PLPPR5: variants seen among roughly 807,000 people sequenced by gnomAD.
The protein encoded by PLPPR5 is phospholipid phosphatase related 5, also known as phospholipid phosphatase-related protein type 5.
In PLPPR5, 16 loss-of-function variants were observed where a neutral mutation model predicts 33.9. That is an observed-to-expected ratio of 0.47 (90% CI 0.32 to 0.72). PLPPR5 has a LOEUF of 0.72. Ranked by LOEUF, PLPPR5 falls within the 30% of genes least tolerant of loss-of-function variation. The pLI, the probability that PLPPR5 is intolerant of heterozygous loss-of-function variation, is 0.03. For missense variants in PLPPR5, 301 were observed against 406.7 expected, an observed-to-expected ratio of 0.74 and a Z score of 2.23; for synonymous variants, 163 against 150.3, an observed-to-expected ratio of 1.08 and a Z score of -0.62.
At chr1:98,928,548 C>A (rs1570705705) in intron 3 of PLPPR5, among the ~76,000 whole-genome samples, 1 of 73,878 alleles carries the variant, frequency 1.4e-5, no homozygotes, top group Admixed American at 1.6e-4. Context: ...AGTTTTAAAT[C>A]ATATATATAT....
chr1:98,988,366 TG>T (rs1212536476), intron 1 of PLPPR5, among the ~76,000 whole-genome samples: 1 of 152,092 alleles, frequency 6.6e-6, no homozygotes, highest in Non-Finnish European at 1.5e-5. Context: ...TTATTATAAA[TG>T]GGATAACTGT....
At chr1:98,902,522 A>G (rs1200614687) in intron 5 of PLPPR5, among the ~76,000 whole-genome samples, 2 of 152,132 alleles carry the variant, frequency 1.3e-5, no homozygotes, top group African/African-American at 4.8e-5. Flanking sequence ...GTTTCATAAA[A>G]CTGTGAATTG....
intron 1 of PLPPR5, among the ~76,000 whole-genome samples, chr1:98,975,930 A>G (rs1241575551): frequency 1.3e-5 from 2 of 151,934 alleles, no homozygotes; most frequent in Non-Finnish European, 2.9e-5. Flanking sequence ...TCCCACGCCT[A>G]GCAAGCTGCC....
chr1:98,918,404 T>C (rs971915419), intron 4 of PLPPR5, among the ~76,000 whole-genome samples: 17 of 152,198 alleles, frequency 1.1e-4, no homozygotes, highest in Admixed American at 7.2e-4. Context: ...CAAACTATTT[T>C]TGTGGCTCAA....
At chr1:99,003,960 G>C (rs1203664735) in intron 1 of PLPPR5, among the ~76,000 whole-genome samples, 2 of 152,130 alleles carry the variant, frequency 1.3e-5, no homozygotes, top group African/African-American at 2.4e-5. Context: ...ATAGAAATAC[G>C]TGCCCCGACT....
At chr1:98,998,773 T>A (rs570992011) in intron 1 of PLPPR5, among the ~76,000 whole-genome samples, 4 of 152,196 alleles carry the variant, frequency 2.6e-5, no homozygotes, top group Non-Finnish European at 4.4e-5. Flanking sequence ...ATTGATTACA[T>A]TAATGAATTT....
chr1:98,896,949 A>G (rs1383332143), intron 5 of PLPPR5, among the ~76,000 whole-genome samples: 4 of 152,136 alleles, frequency 2.6e-5, no homozygotes, highest in African/African-American at 4.8e-5. Flanking sequence ...AAATAAGGGG[A>G]AAAGTATGAG....
At chr1:98,948,218 G>A (rs1458670739) in intron 3 of PLPPR5, among the ~76,000 whole-genome samples, 4 of 152,060 alleles carry the variant, frequency 2.6e-5, no homozygotes, top group East Asian at 1.9e-4. Context: ...AAGAAGAGAG[G>A]GGCAAACAGA....
At chr1:98,953,407 A>C in intron 2 of PLPPR5, 87 bp from the exon 3 acceptor site, 1 of 1,399,718 alleles carries the variant, frequency 7.1e-7, no homozygotes, top group South Asian at 1.3e-5. Context: ...ATTTCAGTTT[A>C]CAATAAACCA....
At chr1:98,977,848 C>T (rs149335298) in intron 1 of PLPPR5, among the ~76,000 whole-genome samples, 7 of 151,692 alleles carry the variant, frequency 4.6e-5, no homozygotes, top group Admixed American at 1.3e-4. Context: ...TAGTAAATGG[C>T]GCTTTAGAAA....
intron 5 of PLPPR5, among the ~76,000 whole-genome samples, chr1:98,906,454 C>T (rs1648906368): frequency 6.6e-6 from 1 of 152,042 alleles, no homozygotes; most frequent in South Asian, 2.1e-4. Flanking sequence ...CATTTTACAG[C>T]CCAGGCTGAG....
chr1:98,945,147 T>G lies in PLPPR5; in HGVS notation c.621+7923A>C, dbSNP rs138648220. Among the ~76,000 whole-genome samples, 842 of 152,318 alleles carry G rather than the reference T, an allele frequency of 5.5e-3. 9 individuals carry two copies. Among genetic ancestry groups the G allele is most frequent in the African/African-American group, 0.019 (803 of 41,570 alleles). ...AAAAGAAGTTAAAAATACTTAGAAGTTGTCACTTTAAAAAGCAAAGCTCTT... is the reference window on the plus strand; with the variant it reads ...AAAAGAAGTTAAAAATACTTAGAAGGTGTCACTTTAAAAAGCAAAGCTCTT... On this transcript the variant is annotated intron_variant, in intron 3 of 5. Coordinates refer to ENST00000263177, the MANE Select transcript of PLPPR5 (RefSeq NM_001037317.2).
At chr1:98,908,956 C>T (rs1017924772) in intron 5 of PLPPR5, among the ~76,000 whole-genome samples, 4 of 152,016 alleles carry the variant, frequency 2.6e-5, no homozygotes, top group African/African-American at 9.7e-5. Flanking sequence ...GCACTGGAAC[C>T]TCCTTAGAGA....
At chr1:98,954,010 G>A (rs1243522486) in intron 2 of PLPPR5, among the ~76,000 whole-genome samples, 1 of 151,976 alleles carries the variant, frequency 6.6e-6, no homozygotes. Flanking sequence ...AGTAAACAAG[G>A]CAATCAAAAT....
chr1:98,906,921 C>T (rs1416287268), intron 5 of PLPPR5, among the ~76,000 whole-genome samples: 1 of 152,064 alleles, frequency 6.6e-6, no homozygotes, highest in African/African-American at 2.4e-5. Context: ...TGTGGTATGT[C>T]CTCCATATCT....
chr1:98,978,158 T>G (rs1651927852), intron 1 of PLPPR5, among the ~76,000 whole-genome samples: 1 of 152,018 alleles, frequency 6.6e-6, no homozygotes, highest in African/African-American at 2.4e-5. Flanking sequence ...TATCTTTGTA[T>G]CACTAGACCT....
rs987793024 is a variant in PLPPR5 at position 98,891,307 on chromosome 1, T to C, written c.*1765A>G. 2.6e-5 allele frequency: 4 copies of C among 152,034 alleles called. No homozygotes were observed. The highest frequency in any genetic ancestry group is 9.7e-5 in the African/African-American group (4 of 41,428). 9.4% of individuals were successfully genotyped at this position (152,034 alleles called of 1,614,324 possible). A position where few individuals can be genotyped will look rare whatever the true frequency, so the allele number is the denominator to read the frequency against. On this transcript the variant is annotated 3_prime_UTR_variant, in exon 6 of 6. Coordinates refer to ENST00000263177, the MANE Select transcript of PLPPR5 (RefSeq NM_001037317.2). ...CAAATAACATCTATTTGGGGAGTAA[T>C]GGACAATCTTTGGTTATATTTATTT...
intron 1 of PLPPR5, among the ~76,000 whole-genome samples, chr1:98,982,824 C>A (rs1652105186): frequency 6.6e-6 from 1 of 152,080 alleles, no homozygotes; most frequent in Admixed American, 6.6e-5. Flanking sequence ...CATGGAGCCC[C>A]AAGGGTTGTA....
chr1:98,920,456 C>CAAAAAAAAAAAAAAAA (rs67392220), intron 4 of PLPPR5, among the ~76,000 whole-genome samples: 1 of 94,110 alleles, frequency 1.1e-5, no homozygotes, highest in Non-Finnish European at 2.2e-5. Flanking sequence ...TGAGTCAATG[C>CAAAAAAAAAAAAAAAA]AAAAAAAAAA....
Sources: allele counts gnomAD v4.1 joint callset (sites outside exome capture counted in the v4.1 genomes callset), GRCh38; gene constraint gnomAD v4.1.1; transcripts MANE v1.5; gene names NCBI Gene and HGNC (gene_info 2026-07-23, HGNC 2026-07-21).